Variants in HCLS1 observed in about 807,000 individuals in gnomAD.
HCLS1 encodes the protein hematopoietic cell-specific Lyn substrate 1, also known as hematopoietic lineage cell-specific protein.
Under a neutral mutation model 68.6 loss-of-function variants are expected in HCLS1, and 44 were observed. The ratio of observed to expected loss-of-function variants is 0.64; its 90% CI spans 0.50 to 0.82. HCLS1 has a LOEUF of 0.82. HCLS1 is among the 40% of genes least tolerant of loss of function. The pLI, the probability that HCLS1 is intolerant of heterozygous loss-of-function variation, is 0.00. For synonymous variants in HCLS1, 217 were observed against 225.8 expected (o/e 0.96, Z 0.35); for missense variants, 602 against 612.1 (o/e 0.98, Z 0.17).
intron 5 of HCLS1, chr3:121,644,571 A>T (rs2049227993): frequency 1.6e-6 from 1 of 619,222 alleles, no homozygotes; most frequent in Non-Finnish European, 3.0e-6. Context: ...TTGAGGAATT[A>T]TTCATTCAAA....
At chr3:121,638,797 C>T (rs1265805164) in intron 6 of HCLS1, among the ~76,000 whole-genome samples, 1 of 152,076 alleles carries the variant, frequency 6.6e-6, no homozygotes, top group African/African-American at 2.4e-5. Context: ...AGACATGCTC[C>T]AATGATAAAA....
intron 4 of HCLS1, among the ~76,000 whole-genome samples, chr3:121,646,237 A>G (rs2049246537): frequency 9.1e-6 from 1 of 109,748 alleles, no homozygotes; most frequent in African/African-American, 3.8e-5. Context: ...ATATTTATAT[A>G]TATTTTATAT....
chr3:121,637,026 G>GCAC (rs1462084843), intron 7 of HCLS1, 120 bp downstream of exon 7: 1 of 695,194 alleles, frequency 1.4e-6, no homozygotes, highest in Non-Finnish European at 2.6e-6. Context: ...TACTGCCCTG[G>GCAC]CACCCCCTGC....
At chr3:121,650,277 A>G (rs984303315) in intron 3 of HCLS1, among the ~76,000 whole-genome samples, 18 of 152,198 alleles carry the variant, frequency 1.2e-4, no homozygotes, top group Admixed American at 6.5e-5. Context: ...TGCAATCCCA[A>G]TCAAAATCTG....
rs1449117047 is a variant in HCLS1 at position 121,637,273 on chromosome 3, A to G, written c.455-17T>C. The G allele has an allele frequency of 1.9e-6, 3 of 1,558,714 alleles. No homozygotes were observed. The highest frequency in any genetic ancestry group is 2.7e-6 in the Non-Finnish European group (3 of 1,129,440). On this transcript the variant is annotated splice_polypyrimidine_tract_variant and intron_variant, in intron 6 of 13. Coordinates refer to ENST00000314583, the MANE Select transcript of HCLS1 (RefSeq NM_005335.6). ...GAGAGTAATCTGTGGTCGAAGGAGCAGTCATGAGAGCCCACCCTTAGGCTC... is the reference window on the plus strand; with the variant it reads ...GAGAGTAATCTGTGGTCGAAGGAGCGGTCATGAGAGCCCACCCTTAGGCTC...
At chr3:121,646,214 T>A (rs1479723194) in intron 4 of HCLS1, among the ~76,000 whole-genome samples, 1 of 111,094 alleles carries the variant, frequency 9.0e-6, no homozygotes, top group East Asian at 2.9e-4. Flanking sequence ...ATTTATATTT[T>A]TATATATTTT....
chr3:121,636,485 A>G lies in HCLS1; in HGVS notation c.570T>C (p.Tyr190=). 6.2e-7 allele frequency: 1 copy of G among 1,613,182 alleles called. No homozygotes were observed. Among genetic ancestry groups the G allele is most frequent in the Non-Finnish European group, 8.5e-7 (1 of 1,179,200 alleles). The change falls in exon 8 of 14, where the codon TAT becomes TAC. Residue 190 remains tyrosine, a synonymous_variant. Transcript: ENST00000314583. ...ETEKHESQRD[Y]AKGFGGQYGI... Reference sequence around the variant, plus strand: ...CATACTGGCCACCAAAGCCCTTGGCATAATCTGCAGGACAGAAAGTTCTGA... The same window carrying G: ...CATACTGGCCACCAAAGCCCTTGGCGTAATCTGCAGGACAGAAAGTTCTGA...
chr3:121,658,872 G>A (rs1023956792), intron 1 of HCLS1, among the ~76,000 whole-genome samples: 26 of 152,050 alleles, frequency 1.7e-4, no homozygotes, highest in Admixed American at 4.6e-4. Context: ...CCAGCCTCTG[G>A]TCCAAGTGCT....
chr3:121,634,470 A>C, intron 9 of HCLS1, 52 bp from the exon 10 acceptor site: 1 of 1,550,294 alleles, frequency 6.5e-7, no homozygotes, highest in Non-Finnish European at 8.9e-7. Flanking sequence ...GAGAGTGGGG[A>C]AGGGCATGGC....
In HCLS1 at chr3:121,632,129, TGA is replaced by T; in HGVS notation, c.1294_1295del (p.Ala433CysfsTer5). ...AGAGAVALGI[S>X]AVAVYDYQGE... is the part of the protein sequence containing the mutation. ...CTTGGTAATCATATACAGCCACAGCTGAGATCCCCAGAGCCACAGCCCCAGCC... is the reference window on the plus strand; with the variant it reads ...CTTGGTAATCATATACAGCCACAGCTGATCCCCAGAGCCACAGCCCCAGCC... On this transcript the variant is annotated frameshift_variant, in exon 13 of 14. Coordinates refer to ENST00000314583, the MANE Select transcript of HCLS1 (RefSeq NM_005335.6). LOFTEE classifies it high-confidence loss of function. 6.2e-7 allele frequency: 1 copy of T among 1,613,756 alleles called. No homozygotes were observed.
intron 6 of HCLS1, among the ~76,000 whole-genome samples, chr3:121,639,258 C>G (rs190206780): frequency 6.6e-6 from 1 of 152,112 alleles, no homozygotes; most frequent in Non-Finnish European, 1.5e-5. Context: ...ACAGAATATA[C>G]TTTTTTCATG....
chr3:121,635,633 G>C, intron 9 of HCLS1, 102 bp downstream of exon 9: 1 of 913,426 alleles, frequency 1.1e-6, no homozygotes, highest in Non-Finnish European at 1.8e-6. Context: ...GTCTAACTCA[G>C]CTAATCTAGG....
At chr3:121,637,742 C>A (rs1576462158) in intron 6 of HCLS1, among the ~76,000 whole-genome samples, 1 of 152,248 alleles carries the variant, frequency 6.6e-6, no homozygotes, top group East Asian at 1.9e-4. Context: ...TGAGACCAGC[C>A]TGGCCAAAAT....
chr3:121,648,903 A>G (rs767382603), intron 3 of HCLS1, among the ~76,000 whole-genome samples: 1 of 152,206 alleles, frequency 6.6e-6, no homozygotes, highest in Non-Finnish European at 1.5e-5. Context: ...ATAAGCTACT[A>G]GTACCAAGGA....
chr3:121,657,016 A>C, intron 3 of HCLS1: 1 of 358,428 alleles, frequency 2.8e-6, no homozygotes, highest in Non-Finnish European at 5.1e-6. Flanking sequence ...AATCCAATAG[A>C]CCCACTTGGG....
intron 4 of HCLS1, among the ~76,000 whole-genome samples, chr3:121,646,759 T>C (rs954283136): frequency 7.4e-6 from 1 of 134,358 alleles, no homozygotes; most frequent in African/African-American, 2.7e-5. Flanking sequence ...AATATATACT[T>C]ATATAATTAT....
chr3:121,644,865 T>G lies in HCLS1; in HGVS notation c.352A>C (p.Lys118Gln), dbSNP rs755591638. The G allele has an allele frequency of 1.4e-5, 23 of 1,614,028 alleles. No homozygotes were observed. Among genetic ancestry groups the G allele is most frequent in the Non-Finnish European group, 1.9e-5 (23 of 1,180,022 alleles). ...ACTCCGTACTTGCCCCCAAAGCCTT[T>G]GGCAGCATCCGTCTGAGAAGAGTGC... ...EKHSSQTDAA[K>Q]GFGGKYGVER... is the part of the protein sequence containing the mutation. Residue 118 changes from lysine (K) to glutamine (Q), a missense_variant, in exon 5 of 14, where the codon AAA (lysine) becomes CAA (glutamine). Physicochemically the swap from Lys to Gln is moderately conservative, Grantham distance 53. Coordinates refer to ENST00000314583, the MANE Select transcript of HCLS1 (RefSeq NM_005335.6).
At chr3:121,649,027 A>T (rs1368569107) in intron 3 of HCLS1, among the ~76,000 whole-genome samples, 3 of 152,222 alleles carry the variant, frequency 2.0e-5, no homozygotes, top group African/African-American at 7.2e-5. Flanking sequence ...TAATGAATAT[A>T]ATAATTGTTA....
intron 3 of HCLS1, among the ~76,000 whole-genome samples, chr3:121,652,872 C>T (rs781014122): frequency 6.6e-6 from 1 of 152,026 alleles, no homozygotes; most frequent in African/African-American, 2.4e-5. Context: ...TTCATTTCAA[C>T]AAAAGAATTA....
Sources: gnomAD v4.1 joint callset for allele counts (sites outside exome capture counted in the v4.1 genomes callset) on GRCh38, gnomAD v4.1.1 for gene constraint, MANE v1.5 for transcripts, NCBI Gene and HGNC (gene_info 2026-07-23, HGNC 2026-07-21) for gene names.